The following CEP68 variants were observed in gnomAD, a reference collection of about 807,000 sequenced individuals.
CEP68 encodes the protein centrosomal protein of 68 kDa.
A neutral mutation model predicts 55.3 loss-of-function variants in CEP68; 26 were observed. The observed-to-expected ratio is 0.47, with a 90% CI of 0.34 to 0.65. The LOEUF is 0.65. Ranked by LOEUF, CEP68 falls within the 30% of genes least tolerant of loss-of-function variation. The probability of loss-of-function intolerance (pLI) is 0.01; values close to 1 mark genes in which losing one functional copy is unlikely to be tolerated. For synonymous variants in CEP68, 402 were observed against 383.2 expected (o/e 1.05, Z -0.57); for missense variants, 957 against 946.7 (o/e 1.01, Z -0.14).
chr2:65,073,503 A>G (rs1170924078), intron 3 of CEP68: 4 of 194,732 alleles, frequency 2.1e-5, no homozygotes, highest in Non-Finnish European at 3.2e-5. Flanking sequence ...CAAATGACTT[A>G]ATATCTGGAG....
intron 1 of CEP68, among the ~76,000 whole-genome samples, chr2:65,059,136 A>G (rs1323913834): frequency 1.3e-5 from 2 of 152,172 alleles, no homozygotes; most frequent in Admixed American, 1.3e-4. Context: ...ATCTGTTCTC[A>G]TGAAGAAACT....
chr2:65,062,002 T>C (rs982454459), intron 1 of CEP68, among the ~76,000 whole-genome samples: 1 of 152,262 alleles, frequency 6.6e-6, no homozygotes, highest in Non-Finnish European at 1.5e-5. Flanking sequence ...TTTGGTTCTC[T>C]GGGCAGGTTC....
intron 1 of CEP68, among the ~76,000 whole-genome samples, chr2:65,062,507 T>TG (rs989776495): frequency 1.8e-4 from 22 of 122,180 alleles, no homozygotes; most frequent in Non-Finnish European, 2.7e-4. Flanking sequence ...TACTCCAACC[T>TG]GGGCGACAGA....
chr2:65,072,354 G>A lies in CEP68; in HGVS notation c.1258G>A (p.Gly420Ser), dbSNP rs1676522008. ...GGAGCGCAGAGAGCCAGCCCTGAGGGGTGCGAAGGACCGGCTGACTATAGG... is the reference window on the plus strand; with the variant it reads ...GGAGCGCAGAGAGCCAGCCCTGAGGAGTGCGAAGGACCGGCTGACTATAGG... Reference protein sequence around the residue: ...RWERREPALRGAKDRLTIGKH... With the variant: ...RWERREPALRSAKDRLTIGKH... Residue 420 changes from glycine (G) to serine (S), a missense_variant, in exon 3 of 7, where the codon GGT (glycine) becomes AGT (serine). Physicochemically the swap from Gly to Ser is moderately conservative, Grantham distance 56. Transcript: ENST00000377990. 2 of 1,613,974 alleles carry A rather than the reference G, an allele frequency of 1.2e-6. No individual in the cohort carries two copies. Among genetic ancestry groups the A allele is most frequent in the Admixed American group, 1.7e-5 (1 of 60,032 alleles).
chr2:65,077,974 T>C lies in CEP68; in HGVS notation c.2104+10T>C, dbSNP rs370498293. ...TTGGAGAACACCCCAGGTGAGATGC[T>C]TAAGGTTTTGGATTTAGCCAGAGCT... On this transcript the variant is annotated intron_variant, in intron 5 of 6. Transcript: ENST00000377990. 1.4e-5 allele frequency: 23 copies of C among 1,608,144 alleles called. No homozygotes were observed. The African/African-American group carries it at 2.8e-4, about 20-fold the overall frequency.
rs141390673 is a variant in CEP68, at chr2:65,063,149, A to G, written c.-46-6250A>G. On this transcript the variant is annotated intron_variant, in intron 1 of 6. Transcript: ENST00000377990. Reference sequence around the variant, plus strand: ...TAGGGCAAGAGTAAGCCAAGCCTACATCACTCCTAATTATATCTGGTGGAT... The same window carrying G: ...TAGGGCAAGAGTAAGCCAAGCCTACGTCACTCCTAATTATATCTGGTGGAT... Among the ~76,000 whole-genome samples the G allele has an allele frequency of 4.9e-3, 746 of 152,356 alleles. 6 individuals are homozygous for G. Among genetic ancestry groups the G allele is most frequent in the African/African-American group, 0.016 (658 of 41,584 alleles).
At chr2:65,059,704 CCTTA>C (rs1675818319) in intron 1 of CEP68, among the ~76,000 whole-genome samples, 1 of 152,130 alleles carries the variant, frequency 6.6e-6, no homozygotes, top group South Asian at 2.1e-4. Flanking sequence ...GCTGAAACAG[CCTTA>C]CTTACCAACC....
chr2:65,058,171 C>T (rs1278452633), intron 1 of CEP68, among the ~76,000 whole-genome samples: 1 of 152,134 alleles, frequency 6.6e-6, no homozygotes, highest in Non-Finnish European at 1.5e-5. Flanking sequence ...CTGTATAGTA[C>T]TTGACCCTTC....
At chr2:65,058,087 GTAGCTGT>G (rs148060180) in intron 1 of CEP68, among the ~76,000 whole-genome samples, 3,320 of 152,288 alleles carry the variant, frequency 0.022, 178 homozygotes, top group East Asian at 0.22. Context: ...AAAATGATCA[GTAGCTGT>G]TAGCTGTTAG....
chr2:65,078,043 T>C, intron 5 of CEP68, 79 bp downstream of exon 5: 1 of 1,049,446 alleles, frequency 9.5e-7, no homozygotes, highest in Non-Finnish European at 1.4e-6. Context: ...CTATCCCTGG[T>C]AAGGAGCTGG....
At chr2:65,083,019 C>T (rs1244544698) in intron 6 of CEP68, among the ~76,000 whole-genome samples, 5 of 152,172 alleles carry the variant, frequency 3.3e-5, no homozygotes, top group African/African-American at 1.2e-4. Context: ...CTTATCTGTA[C>T]ACCTACTTTA....
chr2:65,067,934 A>C (rs1030927420), intron 1 of CEP68, among the ~76,000 whole-genome samples: 53 of 152,164 alleles, frequency 3.5e-4, no homozygotes, highest in African/African-American at 9.6e-4. Flanking sequence ...ATTCCAGTGC[A>C]AGGCGTCCTC....
intron 4 of CEP68, among the ~76,000 whole-genome samples, chr2:65,076,289 A>G (rs951192259): frequency 5.3e-5 from 8 of 152,182 alleles, no homozygotes; most frequent in African/African-American, 1.9e-4. Context: ...TTGTCAGAGC[A>G]GGTGCAAACA....
At chr2:65,060,914 C>T (rs1168412692) in intron 1 of CEP68, among the ~76,000 whole-genome samples, 3 of 151,802 alleles carry the variant, frequency 2.0e-5, no homozygotes, top group African/African-American at 2.4e-5. Context: ...CAGTGGCTCA[C>T]GCCTGTAATC....
intron 3 of CEP68, 94 bp from the exon 4 acceptor site, chr2:65,074,188 C>T: frequency 1.4e-6 from 2 of 1,466,354 alleles, no homozygotes; most frequent in Non-Finnish European, 1.9e-6. Flanking sequence ...GGTGCACAGT[C>T]TGTCTCCAAG....
rs1198368894 is a variant in CEP68, at chr2:65,084,923, T to C, written c.*1289T>C. ...TGCCATATTAATCATCTTAGTTCCA[T>C]ACACACTGAGACTTTAAAAGGGAAA... On this transcript the variant is annotated 3_prime_UTR_variant, in exon 7 of 7. Transcript: ENST00000377990. 6.6e-6 allele frequency: 1 copy of C among 152,192 alleles called. No homozygotes were observed. Among genetic ancestry groups the C allele is most frequent in the African/African-American group, 2.4e-5 (1 of 41,446 alleles). 9.4% of individuals were successfully genotyped at this position (152,192 alleles called of 1,614,324 possible).
At chr2:65,061,483 C>T (rs1275031553) in intron 1 of CEP68, among the ~76,000 whole-genome samples, 7 of 152,290 alleles carry the variant, frequency 4.6e-5, no homozygotes, top group Admixed American at 4.6e-4. Flanking sequence ...TGGGGATGGC[C>T]TCGGCCCATG....
At chr2:65,064,952 TTC>T (rs1214818519) in intron 1 of CEP68, among the ~76,000 whole-genome samples, 7 of 152,204 alleles carry the variant, frequency 4.6e-5, no homozygotes, top group African/African-American at 1.7e-4. Context: ...TTTGTCACTC[TTC>T]TCTTTGTCCC....
chr2:65,059,632 G>T (rs139943447), intron 1 of CEP68, among the ~76,000 whole-genome samples: 65 of 152,314 alleles, frequency 4.3e-4, no homozygotes, highest in African/African-American at 1.5e-3. Flanking sequence ...TCTTGTGTGT[G>T]GCTGGCATAT....
Sources: allele counts gnomAD v4.1 joint callset (sites outside exome capture counted in the v4.1 genomes callset), GRCh38; gene constraint gnomAD v4.1.1; transcripts MANE v1.5; gene names NCBI Gene and HGNC (gene_info 2026-07-23, HGNC 2026-07-21).